The following MEGF9 variants were observed in gnomAD, a reference collection of about 807,000 sequenced individuals.
The protein encoded by MEGF9 is multiple EGF like domains 9, also known as multiple epidermal growth factor-like domains protein 9.
In MEGF9, 6 loss-of-function variants were observed where a neutral mutation model predicts 46.8. That is an observed-to-expected ratio of 0.13 (90% CI 0.07 to 0.25). The LOEUF (loss-of-function observed/expected upper bound fraction) is 0.25. MEGF9 is among the 10% of genes least tolerant of loss of function. The pLI is 1.00. For missense variants in MEGF9, 683 were observed against 792.4 expected (o/e 0.86, Z 1.66); for synonymous variants, 302 against 330.7 (o/e 0.91, Z 0.94).
intron 1 of MEGF9, among the ~76,000 whole-genome samples, chr9:120,675,784 A>C (rs1477109589): frequency 6.9e-6 from 1 of 145,102 alleles, no homozygotes; most frequent in Non-Finnish European, 1.5e-5. Context: ...GCTACTCTGA[A>C]GGCTGAGGCA....
At chr9:120,686,374 G>A (rs1185989387) in intron 1 of MEGF9, among the ~76,000 whole-genome samples, 5 of 152,210 alleles carry the variant, frequency 3.3e-5, no homozygotes, top group Admixed American at 2.0e-4. Context: ...CACCAGGCCC[G>A]GCCGAGGGAA....
intron 4 of MEGF9, among the ~76,000 whole-genome samples, chr9:120,608,575 TCAA>T (rs1478418974): frequency 6.6e-6 from 1 of 152,222 alleles, no homozygotes; most frequent in African/African-American, 2.4e-5. Context: ...ACTGACATCA[TCAA>T]CAATTCCAAT....
chr9:120,652,478 TAAAAAAAA>T (rs57268783), intron 2 of MEGF9, among the ~76,000 whole-genome samples: 4 of 85,598 alleles, frequency 4.7e-5, no homozygotes, highest in Admixed American at 1.5e-4. Context: ...GATCTTGTCT[TAAAAAAAA>T]AAAAAAAAAA....
At chr9:120,620,025 C>T (rs2043491322) in intron 3 of MEGF9, among the ~76,000 whole-genome samples, 1 of 152,208 alleles carries the variant, frequency 6.6e-6, no homozygotes, top group Non-Finnish European at 1.5e-5. Context: ...AGTATTTGCA[C>T]TCCTTCACGT....
intron 1 of MEGF9, among the ~76,000 whole-genome samples, chr9:120,690,700 A>G (rs1279584688): frequency 1.3e-5 from 2 of 152,246 alleles, no homozygotes; most frequent in Non-Finnish European, 1.5e-5. Flanking sequence ...TCAATAGACC[A>G]TTTGCCTGAG....
intron 2 of MEGF9, among the ~76,000 whole-genome samples, chr9:120,632,639 G>A (rs1037457021): frequency 2.0e-5 from 3 of 152,166 alleles, no homozygotes; most frequent in African/African-American, 7.2e-5. Context: ...ATGTTGAATA[G>A]GAGTGGTGAA....
At chr9:120,617,807 C>T (rs2043478919) in intron 3 of MEGF9, among the ~76,000 whole-genome samples, 1 of 152,116 alleles carries the variant, frequency 6.6e-6, no homozygotes, top group Non-Finnish European at 1.5e-5. Flanking sequence ...CAATAAAAGT[C>T]ATGAACAGTG....
chr9:120,652,142 G>GCA (rs869130385), intron 2 of MEGF9, among the ~76,000 whole-genome samples: 471 of 26,150 alleles, frequency 0.018, 11 homozygotes, highest in African/African-American at 0.032. Flanking sequence ...AAACAAACAA[G>GCA]CACACACACA....
At chr9:120,618,637 T>G (rs140904838) in intron 3 of MEGF9, among the ~76,000 whole-genome samples, 1 of 152,168 alleles carries the variant, frequency 6.6e-6, no homozygotes, top group East Asian at 1.9e-4. Flanking sequence ...GTGGCTCAAG[T>G]CTGTAATCCC....
intron 1 of MEGF9, among the ~76,000 whole-genome samples, chr9:120,668,303 A>G (rs111749047): frequency 4.6e-5 from 7 of 152,206 alleles, no homozygotes; most frequent in Non-Finnish European, 7.3e-5. Context: ...AATCTTTGAA[A>G]ACTTGGGAAA....
chr9:120,708,311 T>TC (rs1173906233), intron 1 of MEGF9, among the ~76,000 whole-genome samples: 1 of 151,370 alleles, frequency 6.6e-6, no homozygotes, highest in African/African-American at 2.4e-5. Flanking sequence ...GTTGTAGTGA[T>TC]CCGAGATGGC....
intron 1 of MEGF9, among the ~76,000 whole-genome samples, chr9:120,696,175 T>A (rs989899343): frequency 6.6e-6 from 1 of 152,236 alleles, no homozygotes; most frequent in African/African-American, 2.4e-5. Context: ...GGAGATTCTG[T>A]GAACTCCTCA....
chr9:120,647,187 T>C (rs746327526), intron 2 of MEGF9, among the ~76,000 whole-genome samples: 1 of 151,854 alleles, frequency 6.6e-6, no homozygotes, highest in Non-Finnish European at 1.5e-5. Context: ...GATATCTAGT[T>C]AATGATTAGA....
chr9:120,652,549 G>A lies in MEGF9; in HGVS notation c.803+6825C>T, dbSNP rs187436502. On this transcript the variant is annotated intron_variant, in intron 2 of 5. Coordinates refer to ENST00000373930, the MANE Select transcript of MEGF9 (RefSeq NM_001080497.3). ...CAAAAAGAGATTCAACTAGTAGAGA[G>A]TTATTGAGCTGAATCTACGTGCCAG... is the stretch of plus-strand genomic sequence containing the variant. 1.0e-3 allele frequency among the ~76,000 whole-genome samples: 154 copies of A among 146,784 alleles called. 2 individuals carry two copies. The highest frequency in any genetic ancestry group is 5.9e-3 in the South Asian group (27 of 4,558).
chr9:120,627,532 G>A (rs1268588699), intron 2 of MEGF9, among the ~76,000 whole-genome samples: 4 of 152,140 alleles, frequency 2.6e-5, no homozygotes, highest in South Asian at 2.1e-4. Flanking sequence ...GCACAATCTC[G>A]GCTTACTGCA....
chr9:120,611,899 A>C (rs1452292414), intron 4 of MEGF9, among the ~76,000 whole-genome samples: 1 of 150,910 alleles, frequency 6.6e-6, no homozygotes, highest in Non-Finnish European at 1.5e-5. Flanking sequence ...GAAAGAAAGA[A>C]AGAAAGGAAA....
chr9:120,679,425 G>A (rs1324340235), intron 1 of MEGF9, among the ~76,000 whole-genome samples: 3 of 148,262 alleles, frequency 2.0e-5, no homozygotes, highest in East Asian at 4.0e-4. Context: ...ATTGAACAAT[G>A]AGAACACTTG....
intron 1 of MEGF9, among the ~76,000 whole-genome samples, chr9:120,703,881 G>C (rs2132344825): frequency 6.6e-6 from 1 of 152,138 alleles, no homozygotes; most frequent in South Asian, 2.1e-4. Context: ...GCTGAGGCAG[G>C]AGAATCACTT....
intron 1 of MEGF9, among the ~76,000 whole-genome samples, chr9:120,692,789 G>C (rs1178603677): frequency 3.3e-5 from 5 of 152,030 alleles, no homozygotes; most frequent in African/African-American, 1.2e-4. Flanking sequence ...TTCCTAGAGT[G>C]TCCTTCCCCT....
Sources: allele counts gnomAD v4.1 joint callset (sites outside exome capture counted in the v4.1 genomes callset), GRCh38; gene constraint gnomAD v4.1.1; transcripts MANE v1.5; gene names NCBI Gene and HGNC (gene_info 2026-07-23, HGNC 2026-07-21).